Variants in RBMS3 observed in about 807,000 individuals in gnomAD.
RBMS3 encodes the protein RNA-binding motif, single-stranded-interacting protein 3.
In RBMS3, 27 loss-of-function variants were observed where a neutral mutation model predicts 66.8. That is an observed-to-expected ratio of 0.40 (90% CI 0.30 to 0.56). The LOEUF (loss-of-function observed/expected upper bound fraction) is 0.56. Ranked by LOEUF, RBMS3 falls within the 20% of genes least tolerant of loss-of-function variation. The pLI is 0.40. For synonymous variants in RBMS3, 188 were observed against 183.0 expected (o/e 1.03, Z -0.22); for missense variants, 513 against 549.5 (o/e 0.93, Z 0.66).
At chr3:29,411,517 A>G (rs1365258335) in intron 1 of RBMS3, among the ~76,000 whole-genome samples, 1 of 152,152 alleles carries the variant, frequency 6.6e-6, no homozygotes, top group African/African-American at 2.4e-5. Context: ...GGTCCAAAAG[A>G]CATACTGTTT....
At chr3:29,340,445 A>G (rs2125536118) in intron 1 of RBMS3, among the ~76,000 whole-genome samples, 1 of 152,294 alleles carries the variant, frequency 6.6e-6, no homozygotes, top group South Asian at 2.1e-4. Context: ...GTGTATTAAA[A>G]GTTTTCCCTG....
chr3:29,596,464 A>G (rs2047945524), intron 4 of RBMS3, among the ~76,000 whole-genome samples: 1 of 152,202 alleles, frequency 6.6e-6, no homozygotes, highest in Admixed American at 6.5e-5. Flanking sequence ...TTTCTTGAAC[A>G]TCAGCCTTAA....
chr3:29,631,972 C>G (rs2049298690), intron 4 of RBMS3, among the ~76,000 whole-genome samples: 1 of 151,848 alleles, frequency 6.6e-6, no homozygotes, highest in Non-Finnish European at 1.5e-5. Flanking sequence ...GCATGCCAAC[C>G]AGAAGAGCAA....
intron 1 of RBMS3, among the ~76,000 whole-genome samples, chr3:29,418,682 A>G (rs2040578109): frequency 2.0e-5 from 3 of 152,172 alleles, no homozygotes; most frequent in Admixed American, 2.0e-4. Flanking sequence ...CTCTGCTGAA[A>G]TAAGGACATA....
In RBMS3 at chr3:29,401,286, G is replaced by A. The variant is rs192894200; in HGVS notation, c.76-33457G>A. ...TATTTAAAATTTGGTGTTTTATGTT[G>A]GTACAAAATATGTTTCAGTAAGATA... On this transcript the variant is annotated intron_variant, in intron 1 of 14. Coordinates refer to ENST00000383767, the MANE Select transcript of RBMS3 (RefSeq NM_001003793.3). 3.9e-3 allele frequency among the ~76,000 whole-genome samples: 592 copies of A among 151,912 alleles called. 3 individuals are homozygous for A. The highest frequency in any genetic ancestry group is 0.014 in the African/African-American group (570 of 41,446).
At chr3:29,332,584 C>G (rs995544394) in intron 1 of RBMS3, among the ~76,000 whole-genome samples, 4 of 152,080 alleles carry the variant, frequency 2.6e-5, no homozygotes, top group African/African-American at 9.7e-5. Context: ...GGAACAGCAC[C>G]CTCAATGTGG....
At chr3:29,439,950 C>A (rs1223931406) in intron 2 of RBMS3, among the ~76,000 whole-genome samples, 3 of 152,138 alleles carry the variant, frequency 2.0e-5, no homozygotes, top group Non-Finnish European at 4.4e-5. Context: ...TTATGCTTAT[C>A]TCAGGAAGAC....
chr3:29,638,562 C>A (rs2049560110), intron 4 of RBMS3, among the ~76,000 whole-genome samples: 1 of 151,818 alleles, frequency 6.6e-6, no homozygotes, highest in Non-Finnish European at 1.5e-5. Flanking sequence ...AGCTCAGAAA[C>A]TTTTGATGAG....
intron 1 of RBMS3, among the ~76,000 whole-genome samples, chr3:29,310,847 G>A (rs954448720): frequency 6.6e-6 from 1 of 151,700 alleles, no homozygotes; most frequent in Admixed American, 6.6e-5. Flanking sequence ...ACGTTCATCT[G>A]TTATTCTATT....
chr3:29,359,363 A>G (rs2037422906), intron 1 of RBMS3, among the ~76,000 whole-genome samples: 1 of 152,144 alleles, frequency 6.6e-6, no homozygotes, highest in South Asian at 2.1e-4. Flanking sequence ...TGATTTTCGT[A>G]TGTTGAACCA....
At chr3:29,609,689 C>G (rs1236675316) in intron 4 of RBMS3, among the ~76,000 whole-genome samples, 1 of 151,964 alleles carries the variant, frequency 6.6e-6, no homozygotes, top group Non-Finnish European at 1.5e-5. Flanking sequence ...ATGGTAGATG[C>G]TGAGTAAATA....
At chr3:29,637,503 C>T (rs2049519298) in intron 4 of RBMS3, among the ~76,000 whole-genome samples, 1 of 151,808 alleles carries the variant, frequency 6.6e-6, no homozygotes, top group African/African-American at 2.4e-5. Context: ...AGTCTGATTA[C>T]AAGACATATG....
chr3:29,571,345 C>T (rs886158986), intron 3 of RBMS3, among the ~76,000 whole-genome samples: 1 of 151,776 alleles, frequency 6.6e-6, no homozygotes, highest in Non-Finnish European at 1.5e-5. Context: ...CCCATCTGTC[C>T]GTTTTTGCTT....
chr3:29,331,067 G>A (rs1393582074), intron 1 of RBMS3, among the ~76,000 whole-genome samples: 1 of 152,088 alleles, frequency 6.6e-6, no homozygotes, highest in Non-Finnish European at 1.5e-5. Flanking sequence ...ATTTCCTAGA[G>A]GGTGCAGTCC....
rs575842564 is a variant in RBMS3, at chr3:29,281,451, T to C, written c.-231T>C. ...CTGGGAAGGCTGTGTGTGGGTGTTTTTTCTACAGATCTCACTCCTCGCCCT... is the reference window on the plus strand; with the variant it reads ...CTGGGAAGGCTGTGTGTGGGTGTTTCTTCTACAGATCTCACTCCTCGCCCT... On this transcript the variant is annotated 5_prime_UTR_variant, in exon 1 of 15. Coordinates refer to ENST00000383767, the MANE Select transcript of RBMS3 (RefSeq NM_001003793.3). 1.7e-4 allele frequency: 94 copies of C among 542,540 alleles called. No individual in the cohort carries two copies. Among genetic ancestry groups the C allele is most frequent in the African/African-American group, 1.7e-3 (86 of 50,432 alleles). 33.6% of individuals were successfully genotyped at this position (542,540 alleles called of 1,614,324 possible). A position where few individuals can be genotyped will look rare whatever the true frequency, so the allele number is the denominator to read the frequency against.
chr3:29,554,023 G>A (rs943835265), intron 3 of RBMS3, among the ~76,000 whole-genome samples: 1 of 152,010 alleles, frequency 6.6e-6, no homozygotes, highest in African/African-American at 2.4e-5. Context: ...GGCATAGATA[G>A]CATTATAAGA....
chr3:29,668,669 A>T (rs909956270), intron 4 of RBMS3, among the ~76,000 whole-genome samples: 1 of 152,342 alleles, frequency 6.6e-6, no homozygotes, highest in Non-Finnish European at 1.5e-5. Flanking sequence ...AATGAAGCTA[A>T]AAGAAAGGAG....
intron 5 of RBMS3, among the ~76,000 whole-genome samples, chr3:29,742,140 G>T (rs1462364078): frequency 5.9e-5 from 9 of 152,088 alleles, no homozygotes; most frequent in Non-Finnish European, 1.2e-4. Flanking sequence ...CTTAAGTACA[G>T]AGTCAAGTAA....
chr3:29,739,472 A>AG lies in RBMS3; in HGVS notation c.400-248_400-247insG, dbSNP rs892620968. 1.8e-4 allele frequency among the ~76,000 whole-genome samples: 27 copies of AG among 151,710 alleles called. No individual in the cohort carries two copies. In the East Asian group the frequency reaches 2.1e-3, roughly 12 times the overall value. On this transcript the variant is annotated intron_variant, in intron 4 of 14. Transcript: ENST00000383767. ...CTCCGTCTCAAGAAAAAAAAAAAAA[A>AG]AAAAGAAAAGTTTATTAGTCTTTCT... is the stretch of plus-strand genomic sequence containing the variant.
Sources: allele counts gnomAD v4.1 joint callset (sites outside exome capture counted in the v4.1 genomes callset), GRCh38; gene constraint gnomAD v4.1.1; transcripts MANE v1.5; gene names NCBI Gene and HGNC (gene_info 2026-07-23, HGNC 2026-07-21).